EXD1: variants seen among roughly 807,000 people sequenced by gnomAD.
EXD1 encodes the protein exonuclease 3'-5' domain containing 1, also known as piRNA biogenesis protein EXD1.
Under a neutral mutation model 49.1 loss-of-function variants are expected in EXD1, and 63 were observed. That is an observed-to-expected ratio of 1.28 (90% confidence interval 1.05 to 1.58). The LOEUF (loss-of-function observed/expected upper bound fraction) is 1.58. Among genes scored for constraint, EXD1 ranks in the 40% most tolerant of loss-of-function variants. The probability of loss-of-function intolerance (pLI) is 0.00; values close to 1 mark genes in which losing one functional copy is unlikely to be tolerated. For missense variants in EXD1, 748 were observed against 666.0 expected (o/e 1.12, Z -1.36); for synonymous variants, 234 against 239.2 (o/e 0.98, Z 0.20).
chr15:41,189,222 A>T (rs12910520), intron 11 of EXD1, among the ~76,000 whole-genome samples: 78,559 of 151,342 alleles, frequency 0.52, 22,727 homozygotes, highest in East Asian at 0.69. Context: ...ACAAAAATTA[A>T]CAGGGCATGG....
chr15:41,190,181 A>G (rs2046487117), intron 10 of EXD1, 53 bp from the exon 11 acceptor site: 2 of 1,596,580 alleles, frequency 1.3e-6, no homozygotes. Context: ...TTTAAAGAAA[A>G]TAACTGTTTT....
intron 7 of EXD1, among the ~76,000 whole-genome samples, chr15:41,199,722 T>TCA (rs1555414678): frequency 1.1e-5 from 1 of 94,636 alleles, no homozygotes; most frequent in East Asian, 3.7e-4. Context: ...ATATGATATA[T>TCA]TATATATGAT....
chr15:41,229,552 T>G (rs1384515418), intron 1 of EXD1, among the ~76,000 whole-genome samples: 2 of 152,132 alleles, frequency 1.3e-5, no homozygotes, highest in Non-Finnish European at 2.9e-5. Flanking sequence ...GCAGATCACC[T>G]GAGATACGGA....
intron 9 of EXD1, among the ~76,000 whole-genome samples, chr15:41,194,471 G>A (rs2046580098): frequency 6.6e-6 from 1 of 152,114 alleles, no homozygotes; most frequent in South Asian, 2.1e-4. Flanking sequence ...AGCTGAAAAA[G>A]GCAAGGAAAC....
intron 11 of EXD1, among the ~76,000 whole-genome samples, chr15:41,184,832 A>G (rs1298361093): frequency 4.0e-5 from 6 of 151,432 alleles, no homozygotes; most frequent in Admixed American, 2.6e-4. Flanking sequence ...TTTTTTTTCT[A>G]TTGTTAGTAG....
At chr15:41,199,391 T>A (rs1245626046) in intron 7 of EXD1, among the ~76,000 whole-genome samples, 2 of 150,930 alleles carry the variant, frequency 1.3e-5, no homozygotes, top group Non-Finnish European at 2.9e-5. Context: ...TTGGGCCCCT[T>A]TTTTTTCTTG....
chr15:41,189,151 T>G (rs189856935), intron 11 of EXD1, among the ~76,000 whole-genome samples: 2 of 151,772 alleles, frequency 1.3e-5, no homozygotes, highest in African/African-American at 4.8e-5. Context: ...GCTCATCACC[T>G]AAGGTCAGGA....
intron 7 of EXD1, among the ~76,000 whole-genome samples, chr15:41,199,117 A>G (rs1457883696): frequency 6.6e-6 from 1 of 151,906 alleles, no homozygotes; most frequent in African/African-American, 2.4e-5. Flanking sequence ...ACGCCAACAC[A>G]CCCAGCTAAT....
chr15:41,206,517 A>G (rs1280377554), intron 7 of EXD1, among the ~76,000 whole-genome samples: 2 of 151,322 alleles, frequency 1.3e-5, no homozygotes, highest in Admixed American at 1.3e-4. Flanking sequence ...AGCAGAAACT[A>G]CATTTCAATG....
At chr15:41,226,969 A>G (rs1250497816) in intron 1 of EXD1, among the ~76,000 whole-genome samples, 1 of 152,216 alleles carries the variant, frequency 6.6e-6, no homozygotes, top group African/African-American at 2.4e-5. Context: ...AAAAGAGCAA[A>G]TGAAAAAAAT....
At chr15:41,196,239 T>A (rs1248774442) in intron 7 of EXD1, among the ~76,000 whole-genome samples, 2 of 151,820 alleles carry the variant, frequency 1.3e-5, no homozygotes, top group African/African-American at 4.8e-5. Context: ...CTCTGCCTCC[T>A]GAGTTCAAGC....
intron 2 of EXD1, among the ~76,000 whole-genome samples, chr15:41,221,186 A>G (rs1424003541): frequency 6.6e-6 from 1 of 152,234 alleles, no homozygotes; most frequent in African/African-American, 2.4e-5. Context: ...TCTGAGGCTC[A>G]GAAAGTTTGA....
At chr15:41,229,769 A>AAACAACAAC (rs150026444) in intron 1 of EXD1, among the ~76,000 whole-genome samples, 62 of 151,722 alleles carry the variant, frequency 4.1e-4, no homozygotes, top group African/African-American at 8.5e-4. Flanking sequence ...ACTCCGTCTC[A>AAACAACAAC]AACAACAACA....
intron 6 of EXD1, among the ~76,000 whole-genome samples, chr15:41,211,009 T>C (rs2046913198): frequency 6.6e-6 from 1 of 152,190 alleles, no homozygotes; most frequent in African/African-American, 2.4e-5. Context: ...CATTCTCTAC[T>C]GATGAGAATT....
At chr15:41,220,967 C>A (rs935277016) in intron 2 of EXD1, among the ~76,000 whole-genome samples, 1 of 152,100 alleles carries the variant, frequency 6.6e-6, no homozygotes, top group African/African-American at 2.4e-5. Flanking sequence ...CTCAGCCTCC[C>A]AAAGTACTGG....
intron 6 of EXD1, among the ~76,000 whole-genome samples, chr15:41,212,323 C>A (rs562466246): frequency 6.6e-6 from 1 of 151,252 alleles, no homozygotes; most frequent in Non-Finnish European, 1.5e-5. Context: ...GGCGTGGTGG[C>A]GGGCACCTGT....
intron 9 of EXD1, 93 bp downstream of exon 9, chr15:41,195,682 A>T (rs2140834773): frequency 1.1e-6 from 1 of 906,336 alleles, no homozygotes; most frequent in Non-Finnish European, 1.5e-6. Context: ...AAAAAAAATT[A>T]AAAAGACTTT....
rs544246558 is a variant in EXD1, at chr15:41,226,500, C to T, written c.76G>A (p.Val26Ile). 67 of 1,536,070 alleles carry T rather than the reference C, an allele frequency of 4.4e-5. No individual in the cohort carries two copies. In the Middle Eastern group the frequency reaches 6.7e-4, roughly 15 times the overall value. Residue 26 changes from valine (V) to isoleucine (I), a missense_variant, in exon 2 of 12, where the codon GTC becomes ATC. By Grantham distance (29) the Val-to-Ile change is conservative. Coordinates refer to ENST00000458580, the MANE Select transcript of EXD1 (RefSeq NM_001286441.2). ...ACATGCTGAAGCACACCCTCGAAGA[C>T]ACCACAGACCAATGTGAGTTTCACC... Reference protein sequence around the residue: ...KRVKLTLVCGVFEGVLQHVDP... With the variant: ...KRVKLTLVCGIFEGVLQHVDP...
intron 2 of EXD1, among the ~76,000 whole-genome samples, chr15:41,223,644 G>A (rs892492504): frequency 5.3e-5 from 8 of 151,850 alleles, no homozygotes; most frequent in East Asian, 2.0e-4. Context: ...GGAGGATCAC[G>A]AGGTCAGGAG....
Sources: gnomAD v4.1 joint callset for allele counts (sites outside exome capture counted in the v4.1 genomes callset) on GRCh38, gnomAD v4.1.1 for gene constraint, MANE v1.5 for transcripts, NCBI Gene and HGNC (gene_info 2026-07-23, HGNC 2026-07-21) for gene names.